The following PCGF5 variants were observed in gnomAD, a reference collection of about 807,000 sequenced individuals.
PCGF5 encodes the protein polycomb group ring finger 5.
PCGF5 carries 9 observed loss-of-function variants against 44.3 expected under a neutral mutation model. That is an observed-to-expected ratio of 0.20 (90% CI 0.12 to 0.35). The LOEUF (loss-of-function observed/expected upper bound fraction) is 0.35, where lower values mean the gene tolerates loss of function less well. Ranked by LOEUF, PCGF5 falls within the 10% of genes least tolerant of loss-of-function variation. The pLI, the probability that PCGF5 is intolerant of heterozygous loss-of-function variation, is 1.00. For synonymous variants in PCGF5, 95 were observed against 102.5 expected, an observed-to-expected ratio of 0.93 and a Z score of 0.44; for missense variants, 146 against 305.3, an observed-to-expected ratio of 0.48 and a Z score of 3.89.
At chr10:91,210,157 C>T (rs1844422036) in intron 1 of PCGF5, among the ~76,000 whole-genome samples, 2 of 152,124 alleles carry the variant, frequency 1.3e-5, no homozygotes, top group South Asian at 2.1e-4. Context: ...AGGGATGGGC[C>T]CCCACCTGTC....
At chr10:91,163,464 CT>C (rs1843431481) in intron 1 of PCGF5, among the ~76,000 whole-genome samples, 2 of 152,104 alleles carry the variant, frequency 1.3e-5, no homozygotes, top group South Asian at 4.1e-4. Flanking sequence ...TTCGAAGAAG[CT>C]GACGCAGTTT....
chr10:91,227,604 C>T (rs759385841), intron 2 of PCGF5: 15 of 1,168,108 alleles, frequency 1.3e-5, no homozygotes, highest in Non-Finnish European at 1.6e-5. Context: ...CACTGCAGCA[C>T]ATTCTTAACT....
At chr10:91,248,261 CA>C (rs1048858064) in intron 3 of PCGF5, among the ~76,000 whole-genome samples, 11 of 152,194 alleles carry the variant, frequency 7.2e-5, no homozygotes, top group African/African-American at 2.4e-4. Flanking sequence ...GGAGGAGTTT[CA>C]AAGTCATGCT....
upstream of PCGF5, among the ~76,000 whole-genome samples, chr10:91,219,267 A>G (rs1564636769): frequency 6.6e-6 from 1 of 152,228 alleles, no homozygotes; most frequent in African/African-American, 2.4e-5. Flanking sequence ...CGTTTCCTTC[A>G]GGAATACTGA....
chr10:91,235,191 A>G (rs978991193), intron 2 of PCGF5, among the ~76,000 whole-genome samples: 3 of 152,066 alleles, frequency 2.0e-5, no homozygotes, highest in Middle Eastern at 3.2e-3. Flanking sequence ...CGAATCTCCT[A>G]GATATTCTGA....
upstream of PCGF5, among the ~76,000 whole-genome samples, chr10:91,215,741 G>A (rs932228014): frequency 1.3e-5 from 2 of 152,198 alleles, no homozygotes; most frequent in Admixed American, 6.5e-5. Context: ...TGGCAGAGAA[G>A]GCATTTAGGA....
intron 1 of PCGF5, among the ~76,000 whole-genome samples, chr10:91,196,968 T>C (rs1397573269): frequency 6.6e-6 from 1 of 152,180 alleles, no homozygotes; most frequent in East Asian, 1.9e-4. Context: ...ATTCTTTTTA[T>C]CCTGTGCATG....
intron 2 of PCGF5, chr10:91,227,848 C>T: frequency 1.0e-6 from 1 of 985,418 alleles, no homozygotes; most frequent in Non-Finnish European, 1.2e-6. Flanking sequence ...GCCCAGCTAG[C>T]AGTTACCCAT....
intron 1 of PCGF5, among the ~76,000 whole-genome samples, chr10:91,221,258 G>T (rs1008611405): frequency 1.3e-5 from 2 of 152,318 alleles, no homozygotes; most frequent in South Asian, 4.1e-4. Flanking sequence ...AGGGCTCTGT[G>T]CCTTAGGATC....
chr10:91,168,929 GAAAAAAAAAAAAAAAAAA>G lies in PCGF5; in HGVS notation c.-184+5860_-184+5877del, dbSNP rs57345364. On this transcript the variant is annotated intron_variant, in intron 1 of 9. Transcript: ENST00000614189. ...GGCGACAGTGTGAGACTCCGTCTCA[GAAAAAAAAAAAAAAAAAA>G]AAAAAAAAAAAGAAGGCTTGATAAC... Among the ~76,000 whole-genome samples, 4 of 56,164 alleles carry G rather than the reference GAAAAAAAAAAAAAAAAAA, an allele frequency of 7.1e-5. No homozygotes were observed. In the East Asian group the frequency reaches 2.2e-3, roughly 30 times the overall value. The allele number at this position is 56,164 out of a possible 152,430, so 36.8% of individuals were successfully genotyped here.
intron 2 of PCGF5, 21 bp from the exon 3 acceptor site, chr10:91,240,463 T>C (rs756425803): frequency 1.3e-6 from 2 of 1,548,896 alleles, no homozygotes; most frequent in East Asian, 4.5e-5. Flanking sequence ...CGTTTTAACC[T>C]AACATCTTCT....
At chr10:91,203,069 GTAGGGGCAGGGGAAGTGTTC>G (rs1844281690) in intron 1 of PCGF5, among the ~76,000 whole-genome samples, 1 of 152,168 alleles carries the variant, frequency 6.6e-6, no homozygotes, top group South Asian at 2.1e-4. Flanking sequence ...CTTGATGGAG[GTAGGGGCAGGGGAAGTGTTC>G]AGCCACAATC....
At chr10:91,197,953 T>C (rs1844170653) in intron 1 of PCGF5, among the ~76,000 whole-genome samples, 1 of 152,156 alleles carries the variant, frequency 6.6e-6, no homozygotes, top group African/African-American at 2.4e-5. Flanking sequence ...TCAATAAATA[T>C]TGATTATCTA....
At chr10:91,221,150 G>A (rs545982125) in intron 1 of PCGF5, among the ~76,000 whole-genome samples, 1 of 152,208 alleles carries the variant, frequency 6.6e-6, no homozygotes, top group South Asian at 2.1e-4. Flanking sequence ...GACCCCACAG[G>A]GCTGTACCGC....
intron 3 of PCGF5, 46 bp downstream of exon 3, chr10:91,240,626 A>T (rs1845298556): frequency 8.0e-7 from 1 of 1,250,386 alleles, no homozygotes; most frequent in South Asian, 1.3e-5. Context: ...CATAAATTGA[A>T]TAGGCTCTTA....
In PCGF5 at chr10:91,248,502, A is replaced by T; in HGVS notation, c.210-3A>T. Reference sequence around the variant, plus strand: ...AGTATTTTCTTTCTCCCCCCTTTCGAAGGTTGGACAATACATTAGAGGAAA... The same window carrying T: ...AGTATTTTCTTTCTCCCCCCTTTCGTAGGTTGGACAATACATTAGAGGAAA... On this transcript the variant is annotated splice_region_variant and splice_polypyrimidine_tract_variant and intron_variant, in intron 3 of 9. Transcript: ENST00000336126. 6.2e-7 allele frequency: 1 copy of T among 1,611,238 alleles called. No individual in the cohort carries two copies. Among genetic ancestry groups the T allele is most frequent in the Non-Finnish European group, 8.5e-7 (1 of 1,177,862 alleles).
intron 1 of PCGF5, among the ~76,000 whole-genome samples, chr10:91,207,615 C>T (rs1439277526): frequency 2.6e-5 from 4 of 152,102 alleles, no homozygotes; most frequent in Admixed American, 1.3e-4. Context: ...CCTTTATAAC[C>T]GTAACAATAA....
At chr10:91,277,376 T>G (rs1846343082) in intron 9 of PCGF5, among the ~76,000 whole-genome samples, 1 of 152,258 alleles carries the variant, frequency 6.6e-6, no homozygotes, top group South Asian at 2.1e-4. Context: ...CCTTCTTGAT[T>G]CCATAAAAGT....
chr10:91,269,955 GT>G (rs1242864263), intron 8 of PCGF5, among the ~76,000 whole-genome samples: 1 of 152,116 alleles, frequency 6.6e-6, no homozygotes, highest in Non-Finnish European at 1.5e-5. Context: ...TTTTGCCTCA[GT>G]TTTTTGATTC....
Sources: gnomAD v4.1 joint callset for allele counts (sites outside exome capture counted in the v4.1 genomes callset) on GRCh38, gnomAD v4.1.1 for gene constraint, MANE v1.5 for transcripts, NCBI Gene and HGNC (gene_info 2026-07-23, HGNC 2026-07-21) for gene names.